Variants in AGBL1 observed in about 807,000 individuals in gnomAD.
AGBL1 encodes AGBL carboxypeptidase 1.
Under a neutral mutation model 118.9 loss-of-function variants are expected in AGBL1, and 130 were observed. That is an observed-to-expected ratio of 1.09 (90% CI 0.95 to 1.26). The LOEUF is 1.26. Among genes scored for constraint, AGBL1 ranks in the 50% most tolerant of loss-of-function variants. The pLI, the probability that AGBL1 is intolerant of heterozygous loss-of-function variation, is 0.00. For missense variants in AGBL1, 1,584 were observed against 1,298.1 expected (o/e 1.22, Z -3.38); for synonymous variants, 555 against 478.9 (o/e 1.16, Z -2.08).
At chr15:86,477,537 A>G (rs1196363306) in intron 18 of AGBL1, among the ~76,000 whole-genome samples, 2 of 152,226 alleles carry the variant, frequency 1.3e-5, no homozygotes, top group Non-Finnish European at 2.9e-5. Context: ...ACCAGGAAGA[A>G]GTTGAATCTC....
intron 22 of AGBL1, among the ~76,000 whole-genome samples, chr15:86,808,380 T>C (rs887345095): frequency 2.6e-5 from 4 of 152,166 alleles, no homozygotes; most frequent in Non-Finnish European, 4.4e-5. Context: ...TAGCATGTCA[T>C]TGAGTTGACA....
chr15:86,785,728 C>A lies in AGBL1; in HGVS notation c.3158+111292C>A, dbSNP rs74025480. Among the ~76,000 whole-genome samples the A allele has an allele frequency of 1.0e-2, 1,521 of 152,168 alleles. 19 individuals carry two copies. Among genetic ancestry groups the A allele is most frequent in the African/African-American group, 0.034 (1,405 of 41,494 alleles). ...ATGATGAGCAATCCAGTTTGGAAAA[C>A]ACAGATATCAGCAATGAAGCAGAAG... On this transcript the variant is annotated intron_variant, in intron 22 of 22. Transcript: ENST00000614907.
At chr15:86,742,237 C>T (rs1268433096) in intron 22 of AGBL1, among the ~76,000 whole-genome samples, 2 of 152,196 alleles carry the variant, frequency 1.3e-5, no homozygotes, top group Non-Finnish European at 2.9e-5. Flanking sequence ...CCTTTTTGTA[C>T]TTTTTATGAG....
At chr15:86,300,062 G>A (rs1009712301) in intron 17 of AGBL1, among the ~76,000 whole-genome samples, 3 of 151,936 alleles carry the variant, frequency 2.0e-5, no homozygotes, top group Non-Finnish European at 4.4e-5. Context: ...TGAGCTCTTG[G>A]CCTTCCTATA....
chr15:86,948,184 A>G (rs960667664), intron 23 of AGBL1, among the ~76,000 whole-genome samples: 5 of 152,166 alleles, frequency 3.3e-5, no homozygotes, highest in African/African-American at 1.2e-4. Flanking sequence ...TTTAGACCAA[A>G]CACCACCAGA....
At chr15:86,321,380 G>T (rs2080102767) in intron 17 of AGBL1, among the ~76,000 whole-genome samples, 1 of 151,986 alleles carries the variant, frequency 6.6e-6, no homozygotes, top group Admixed American at 6.6e-5. Flanking sequence ...TTTTAACCTT[G>T]ACTGTAAGCT....
At chr15:86,419,213 G>T (rs898709065) in intron 18 of AGBL1, among the ~76,000 whole-genome samples, 2 of 152,048 alleles carry the variant, frequency 1.3e-5, no homozygotes, top group Non-Finnish European at 2.9e-5. Context: ...CTCCTACCGA[G>T]ATCAACACAG....
At chr15:86,593,801 T>C (rs906672893) in intron 21 of AGBL1, among the ~76,000 whole-genome samples, 4 of 152,232 alleles carry the variant, frequency 2.6e-5, no homozygotes, top group Non-Finnish European at 5.9e-5. Context: ...AATCTTTTGT[T>C]ACTGCAGATT....
intron 18 of AGBL1, among the ~76,000 whole-genome samples, chr15:86,461,874 G>A (rs1353770184): frequency 6.6e-6 from 1 of 151,984 alleles, no homozygotes; most frequent in East Asian, 1.9e-4. Context: ...CACCATGTTT[G>A]CTTATTTTCC....
intron 22 of AGBL1, among the ~76,000 whole-genome samples, chr15:86,903,304 T>A (rs1018956308): frequency 5.3e-5 from 8 of 152,072 alleles, no homozygotes. Context: ...TTTTACTGAG[T>A]TCTATAATTC....
chr15:87,004,885 G>C (rs973862978), intron 24 of AGBL1, among the ~76,000 whole-genome samples: 1 of 152,156 alleles, frequency 6.6e-6, no homozygotes, highest in African/African-American at 2.4e-5. Context: ...TAGGGCAGGA[G>C]TGTTGGTGAC....
chr15:86,955,842 T>C (rs763147773), intron 23 of AGBL1, among the ~76,000 whole-genome samples: 10 of 152,132 alleles, frequency 6.6e-5, no homozygotes, highest in Non-Finnish European at 1.3e-4. Context: ...TTTTAGGAGA[T>C]ACGACTTTAT....
intron 18 of AGBL1, among the ~76,000 whole-genome samples, chr15:86,513,444 G>A (rs934126944): frequency 1.3e-5 from 2 of 152,002 alleles, no homozygotes; most frequent in African/African-American, 4.8e-5. Context: ...CTCACAAATG[G>A]TGATGTTAAC....
chr15:86,201,675 A>C (rs1430589932), intron 5 of AGBL1, among the ~76,000 whole-genome samples: 1 of 152,104 alleles, frequency 6.6e-6, no homozygotes, highest in African/African-American at 2.4e-5. Context: ...TGGAGGGAGG[A>C]GAGGGGAGCA....
intron 21 of AGBL1, among the ~76,000 whole-genome samples, chr15:86,580,144 C>G (rs2084153495): frequency 1.3e-5 from 2 of 152,142 alleles, no homozygotes; most frequent in Admixed American, 1.3e-4. Context: ...GCTGAGTTAA[C>G]CGTAGGAGGG....
chr15:86,724,443 G>A (rs544083910), intron 22 of AGBL1, among the ~76,000 whole-genome samples: 1 of 152,114 alleles, frequency 6.6e-6, no homozygotes, highest in African/African-American at 2.4e-5. Context: ...AGGAAGAGGA[G>A]TGACCTGAGG....
rs192894546 is a variant in AGBL1, at chr15:86,790,379, C to T, written c.3158+115943C>T. On this transcript the variant is annotated intron_variant, in intron 22 of 22. Coordinates refer to ENST00000614907, the MANE Select transcript of AGBL1 (RefSeq NM_001386094.1). ...ACACACACACACACGCATGCACGCA[C>T]GCACACACACACACACAGTCCTGTA... is the stretch of plus-strand genomic sequence containing the variant. 5.5e-3 allele frequency among the ~76,000 whole-genome samples: 835 copies of T among 151,594 alleles called. 10 individuals are homozygous for T. The highest frequency in any genetic ancestry group is 0.019 in the African/African-American group (775 of 41,330).
chr15:86,199,025 A>G (rs1755781677), intron 5 of AGBL1, among the ~76,000 whole-genome samples: 1 of 152,170 alleles, frequency 6.6e-6, no homozygotes, highest in Non-Finnish European at 1.5e-5. Context: ...GTAGTTTTCT[A>G]GTCGCTTTAA....
chr15:86,794,001 G>A (rs2078535453), intron 22 of AGBL1, among the ~76,000 whole-genome samples: 1 of 152,206 alleles, frequency 6.6e-6, no homozygotes, highest in African/African-American at 2.4e-5. Flanking sequence ...CATTGCTGGT[G>A]CAAATGAAAA....
Sources: gnomAD v4.1 joint callset for allele counts (sites outside exome capture counted in the v4.1 genomes callset) on GRCh38, gnomAD v4.1.1 for gene constraint, MANE v1.5 for transcripts, NCBI Gene and HGNC (gene_info 2026-07-23, HGNC 2026-07-21) for gene names.